Variants in OR9Q1 observed in about 807,000 individuals in gnomAD.
The protein encoded by OR9Q1 is olfactory receptor 9Q1.
For synonymous variants in OR9Q1, 153 were observed against 148.6 expected, an observed-to-expected ratio of 1.03 and a Z score of -0.22; for missense variants, 374 against 378.8, an observed-to-expected ratio of 0.99 and a Z score of 0.11.
At chr11:58,147,643 T>A (rs1162513122) in intron 2 of OR9Q1, among the ~76,000 whole-genome samples, 1 of 152,214 alleles carries the variant, frequency 6.6e-6, no homozygotes, top group Non-Finnish European at 1.5e-5. Context: ...AATTGCCTTA[T>A]GTATGCACCA....
In OR9Q1 at chr11:58,162,313, T is replaced by A. The variant is rs111474760; in HGVS notation, c.-14-17118T>A. On this transcript the variant is annotated intron_variant, in intron 2 of 2. Coordinates refer to ENST00000335397, the MANE Select transcript of OR9Q1 (RefSeq NM_001005212.4). The stretch of plus-strand genomic sequence containing the variant: ...TGTTTGAATGTATTATCTGTAATCA[T>A]ACATGGAAGGAGACTCGCTCTAATA... Among the ~76,000 whole-genome samples, 890 of 152,370 alleles carry A rather than the reference T, an allele frequency of 5.8e-3. 11 individuals carry two copies. Among genetic ancestry groups the A allele is most frequent in the African/African-American group, 0.021 (856 of 41,588 alleles).
At position 58,088,658 on chromosome 11, in the gene OR9Q1, T is replaced by A. The variant is rs113269074; in HGVS notation, c.-15+32711T>A. On this transcript the variant is annotated intron_variant, in intron 2 of 2. Coordinates refer to ENST00000335397, the MANE Select transcript of OR9Q1 (RefSeq NM_001005212.4). ...TCTGTTCATATCCTTCACCCACTTTTTGATGGGATTGTTTGTTTTTTTTCT... is the reference window on the plus strand; with the variant it reads ...TCTGTTCATATCCTTCACCCACTTTATGATGGGATTGTTTGTTTTTTTTCT... Among the ~76,000 whole-genome samples, 32 of 148,906 alleles carry A rather than the reference T, an allele frequency of 2.1e-4. 1 individual carries two copies. Among genetic ancestry groups the A allele is most frequent in the African/African-American group, 6.6e-4 (27 of 41,010 alleles).
intron 2 of OR9Q1, chr11:58,075,447 C>T (rs1318313644): frequency 6.6e-6 from 1 of 152,248 alleles, no homozygotes; most frequent in African/African-American, 2.4e-5. Flanking sequence ...GCTGTGCCCC[C>T]CAAATCCATA....
At chr11:58,031,601 G>A in intron 1 of OR9Q1, 3 of 1,613,858 alleles carry the variant, frequency 1.9e-6, no homozygotes, top group Non-Finnish European at 2.5e-6. Context: ...CTCCTCTATG[G>A]TCATTGCTGT....
At chr11:58,119,639 T>C (rs1054225006) in intron 2 of OR9Q1, among the ~76,000 whole-genome samples, 3 of 152,184 alleles carry the variant, frequency 2.0e-5, no homozygotes, top group Non-Finnish European at 4.4e-5. Context: ...AACTGAGCCT[T>C]AAGCTGGTAT....
rs558121392 is a variant in OR9Q1, at chr11:58,048,584, C to A, written c.-92-7286C>A. On this transcript the variant is annotated intron_variant, in intron 1 of 2. Transcript: ENST00000335397. ...GCTGAGACAGAAGAATTGCTTGAAC[C>A]CTTGAACTCAGGAGGTGGAGGTTGC... 1.1e-3 allele frequency among the ~76,000 whole-genome samples: 162 copies of A among 151,166 alleles called. 1 individual carries two copies. The highest frequency in any genetic ancestry group is 3.8e-3 in the African/African-American group (157 of 41,270).
At chr11:58,077,403 A>G (rs1565069631) in intron 2 of OR9Q1, 1 of 152,202 alleles carries the variant, frequency 6.6e-6, no homozygotes, top group Non-Finnish European at 1.5e-5. Flanking sequence ...GGCAACTTGT[A>G]TATCCTTCTT....
At chr11:58,139,733 G>C (rs1854225858) in intron 2 of OR9Q1, among the ~76,000 whole-genome samples, 1 of 151,578 alleles carries the variant, frequency 6.6e-6, no homozygotes, top group African/African-American at 2.4e-5. Flanking sequence ...GAATAGTGCT[G>C]CAATAAACAT....
intron 1 of OR9Q1, chr11:58,044,308 C>T (rs1204294723): frequency 6.6e-6 from 1 of 152,200 alleles, no homozygotes; most frequent in East Asian, 1.9e-4. Context: ...ACCAGCCTCC[C>T]TCCTTACCTG....
chr11:58,065,674 C>G (rs1312510743), intron 2 of OR9Q1, among the ~76,000 whole-genome samples: 1 of 152,030 alleles, frequency 6.6e-6, no homozygotes, highest in Non-Finnish European at 1.5e-5. Flanking sequence ...CTTTAGTTGC[C>G]GTGATTTTGA....
In OR9Q1 at chr11:58,026,479, C is replaced by T. The variant is rs146248261; in HGVS notation, c.-93+2375C>T. ...AGTGGATCATTTGAGGTCAGGAGTT[C>T]GAGACCAGCCTGGCCAATATGGTGA... On this transcript the variant is annotated intron_variant, in intron 1 of 2. Coordinates refer to ENST00000335397, the MANE Select transcript of OR9Q1 (RefSeq NM_001005212.4). Among the ~76,000 whole-genome samples, 335 of 151,846 alleles carry T rather than the reference C, an allele frequency of 2.2e-3. 1 individual carries two copies. Among genetic ancestry groups the T allele is most frequent in the African/African-American group, 7.5e-3 (312 of 41,376 alleles).
At chr11:58,163,483 G>A (rs888344312) in intron 2 of OR9Q1, among the ~76,000 whole-genome samples, 1 of 152,198 alleles carries the variant, frequency 6.6e-6, no homozygotes, top group Non-Finnish European at 1.5e-5. Context: ...CATAAAAAAT[G>A]CATGTGCAGA....
chr11:58,149,370 T>G (rs1319792635), intron 2 of OR9Q1, among the ~76,000 whole-genome samples: 2 of 152,198 alleles, frequency 1.3e-5, no homozygotes, highest in African/African-American at 4.8e-5. Flanking sequence ...CACTTAGGAC[T>G]TGGCACATAG....
At chr11:58,030,984 TA>T (rs753083399) in intron 1 of OR9Q1, 2 of 1,613,902 alleles carry the variant, frequency 1.2e-6, no homozygotes, top group Admixed American at 3.3e-5. Context: ...TGGACCCAGG[TA>T]ACTGAATTTG....
intron 1 of OR9Q1, chr11:58,031,129 A>G (rs1485191552): frequency 3.1e-6 from 5 of 1,613,944 alleles, no homozygotes; most frequent in Non-Finnish European, 4.2e-6. Context: ...GACTACGGAG[A>G]CCCATGTATT....
At chr11:58,156,960 A>T (rs769056293) in intron 2 of OR9Q1, among the ~76,000 whole-genome samples, 2 of 152,208 alleles carry the variant, frequency 1.3e-5, no homozygotes, top group Admixed American at 1.3e-4. Context: ...TTTTTATAAG[A>T]TAATAAAGCA....
intron 2 of OR9Q1, among the ~76,000 whole-genome samples, chr11:58,064,810 G>A (rs1853412853): frequency 6.6e-6 from 1 of 152,000 alleles, no homozygotes; most frequent in Non-Finnish European, 1.5e-5. Context: ...ACAGCCCCAG[G>A]GAGTCCCTCC....
intron 2 of OR9Q1, among the ~76,000 whole-genome samples, chr11:58,105,637 C>A (rs142149762): frequency 2.0e-5 from 3 of 152,178 alleles, no homozygotes; most frequent in Middle Eastern, 3.4e-3. Context: ...ATCCATTTTC[C>A]CTTCCCTTCA....
chr11:58,121,355 G>T (rs1854030770), intron 2 of OR9Q1, among the ~76,000 whole-genome samples: 1 of 152,132 alleles, frequency 6.6e-6, no homozygotes, highest in Non-Finnish European at 1.5e-5. Context: ...AGCCTTCCTT[G>T]GGAGAGTGTG....
Sources: gnomAD v4.1 joint callset for allele counts (sites outside exome capture counted in the v4.1 genomes callset) on GRCh38, gnomAD v4.1.1 for gene constraint, MANE v1.5 for transcripts, NCBI Gene and HGNC (gene_info 2026-07-23, HGNC 2026-07-21) for gene names.